The following CCDC30 variants were observed in gnomAD, a reference collection of about 807,000 sequenced individuals.
CCDC30 encodes coiled-coil domain-containing protein 30.
CCDC30 carries 70 observed loss-of-function variants against 100.2 expected under a neutral mutation model. The observed-to-expected ratio is 0.70, with a 90% CI of 0.58 to 0.85. The LOEUF (loss-of-function observed/expected upper bound fraction) is 0.85. Ranked by LOEUF, CCDC30 falls within the 40% of genes least tolerant of loss-of-function variation. The pLI is 0.00. For missense variants in CCDC30, 652 were observed against 771.2 expected (o/e 0.85, Z 1.83); for synonymous variants, 233 against 269.5 (o/e 0.86, Z 1.33).
chr1:42,462,775 A>G (rs892868873), upstream of CCDC30, among the ~76,000 whole-genome samples: 1 of 151,868 alleles, frequency 6.6e-6, no homozygotes, highest in African/African-American at 2.4e-5. Context: ...TAGGACTTCT[A>G]AAGGGCTTCA....
chr1:42,466,871 A>T (rs947165022), intron 1 of CCDC30, among the ~76,000 whole-genome samples: 2 of 152,120 alleles, frequency 1.3e-5, no homozygotes, highest in African/African-American at 4.8e-5. Flanking sequence ...ATTCTTATGT[A>T]CTTTGTTGTG....
At chr1:42,516,679 A>T (rs1644560279) in intron 6 of CCDC30, among the ~76,000 whole-genome samples, 2 of 152,002 alleles carry the variant, frequency 1.3e-5, no homozygotes, top group Admixed American at 6.6e-5. Context: ...TTTTCACCAT[A>T]AGCTGAAATA....
At chr1:42,638,092 A>G (rs1647193321) in intron 12 of CCDC30, among the ~76,000 whole-genome samples, 1 of 152,214 alleles carries the variant, frequency 6.6e-6, no homozygotes, top group South Asian at 2.1e-4. Context: ...AATTTCAGTG[A>G]TTCCATCAAC....
intron 6 of CCDC30, among the ~76,000 whole-genome samples, chr1:42,517,398 A>G (rs993440809): frequency 2.0e-5 from 3 of 152,184 alleles, no homozygotes; most frequent in African/African-American, 7.2e-5. Context: ...TGTTATTTCC[A>G]TATTCAAAAG....
chr1:42,548,933 T>C (rs938058794), intron 6 of CCDC30, among the ~76,000 whole-genome samples: 1 of 152,210 alleles, frequency 6.6e-6, no homozygotes, highest in African/African-American at 2.4e-5. Context: ...AGTACATCTC[T>C]TCTACTAGAT....
intron 6 of CCDC30, among the ~76,000 whole-genome samples, chr1:42,501,783 A>G (rs1644316817): frequency 6.6e-6 from 1 of 152,212 alleles, no homozygotes; most frequent in Non-Finnish European, 1.5e-5. Flanking sequence ...ATTGCAGAAC[A>G]GCAAATGTTG....
exon 3 of CCDC30, chr1:42,482,675 G>A: frequency 8.1e-7 from 1 of 1,233,570 alleles, no homozygotes. Context: ...TCATAATGAA[G>A]ACCTGGAAAA....
rs1225505792 is a variant in CCDC30, at chr1:42,577,144, AAC to A, written c.766_767del (p.Thr256SerfsTer4). ...AAGGAACTGGAGTTGGAAGTACTTA[AAC>A]ACACTCAGAGCATTAAATCACAGAA... On this transcript the variant is annotated frameshift_variant, in exon 8 of 17. Coordinates refer to ENST00000668663, the Ensembl canonical transcript of CCDC30. LOFTEE classifies it high-confidence loss of function. 27 of 1,614,020 alleles carry A rather than the reference AAC, an allele frequency of 1.7e-5. No individual in the cohort carries two copies. Among genetic ancestry groups the A allele is most frequent in the Non-Finnish European group, 2.3e-5 (27 of 1,179,984 alleles).
At chr1:42,589,632 G>A in intron 10 of CCDC30, 149 bp downstream of exon 14, 1 of 662,760 alleles carries the variant, frequency 1.5e-6, no homozygotes, top group Non-Finnish European at 2.5e-6. Context: ...TTTCAAGCAA[G>A]AAGAGATTTA....
chr1:42,505,092 T>G (rs1457126627), intron 6 of CCDC30, among the ~76,000 whole-genome samples: 1 of 152,166 alleles, frequency 6.6e-6, no homozygotes, highest in East Asian at 1.9e-4. Context: ...AATAGTAGAG[T>G]GTGTGTAGCG....
At chr1:42,528,697 C>G (rs946295064) in intron 6 of CCDC30, among the ~76,000 whole-genome samples, 2 of 152,208 alleles carry the variant, frequency 1.3e-5, no homozygotes, top group African/African-American at 2.4e-5. Flanking sequence ...CTCAGTCATT[C>G]ACTGGAGGCT....
chr1:42,572,013 C>G (rs11210673), intron 7 of CCDC30, among the ~76,000 whole-genome samples: 1 of 151,980 alleles, frequency 6.6e-6, no homozygotes, highest in Non-Finnish European at 1.5e-5. Context: ...GCAATGAACA[C>G]TCATGCACAT....
chr1:42,513,793 G>T (rs1297429091), intron 6 of CCDC30, among the ~76,000 whole-genome samples: 1 of 152,146 alleles, frequency 6.6e-6, no homozygotes, highest in Non-Finnish European at 1.5e-5. Flanking sequence ...TAAAGACGAG[G>T]TTTATTTTGG....
At chr1:42,550,391 T>G (rs1390698659) in intron 6 of CCDC30, among the ~76,000 whole-genome samples, 1 of 152,188 alleles carries the variant, frequency 6.6e-6, no homozygotes, top group Non-Finnish European at 1.5e-5. Flanking sequence ...TTCTCTCTCT[T>G]AAAACCCTCT....
intron 9 of CCDC30, among the ~76,000 whole-genome samples, chr1:42,587,122 T>G (rs1028308442): frequency 6.6e-6 from 1 of 152,136 alleles, no homozygotes; most frequent in Admixed American, 6.5e-5. Context: ...CTCAGCCTCC[T>G]GAGTAGCTGG....
intron 11 of CCDC30, among the ~76,000 whole-genome samples, chr1:42,625,462 A>C (rs1646915669): frequency 6.6e-6 from 1 of 151,966 alleles, no homozygotes; most frequent in Admixed American, 6.5e-5. Flanking sequence ...ATGCATCATT[A>C]GATTGTTTAT....
intron 10 of CCDC30, chr1:42,591,315 G>C (rs1376592458): frequency 6.6e-6 from 1 of 152,302 alleles, no homozygotes; most frequent in Non-Finnish European, 1.5e-5. Flanking sequence ...TAGGAGGAAA[G>C]AATGGTTTAG....
chr1:42,652,441 C>T (rs1242617008), intron 15 of CCDC30, among the ~76,000 whole-genome samples: 4 of 152,100 alleles, frequency 2.6e-5, no homozygotes, highest in African/African-American at 9.7e-5. Flanking sequence ...TATATCATAG[C>T]ATCACTTTGT....
exon 12 of CCDC30, chr1:42,637,285 C>A: frequency 6.3e-7 from 1 of 1,580,824 alleles, no homozygotes; most frequent in South Asian, 1.2e-5. Flanking sequence ...TTCAAAAAGT[C>A]AAGTATCGTT....
Sources: gnomAD v4.1 joint callset for allele counts (sites outside exome capture counted in the v4.1 genomes callset) on GRCh38, gnomAD v4.1.1 for gene constraint, MANE v1.5 for transcripts, NCBI Gene and HGNC (gene_info 2026-07-23, HGNC 2026-07-21) for gene names.